COL21A1: variants seen among roughly 807,000 people sequenced by gnomAD.
COL21A1 encodes the protein collagen type XXI alpha 1 chain.
In COL21A1, 149 loss-of-function variants were observed where a neutral mutation model predicts 137.9. That is an observed-to-expected ratio of 1.08 (90% CI 0.95 to 1.24). The LOEUF is 1.24. Among genes scored for constraint, COL21A1 ranks in the 50% most tolerant of loss-of-function variants. The pLI, the probability that COL21A1 is intolerant of heterozygous loss-of-function variation, is 0.00. For synonymous variants in COL21A1, 456 were observed against 391.5 expected, an observed-to-expected ratio of 1.16 and a Z score of -1.95; for missense variants, 1,167 against 1,158.4, an observed-to-expected ratio of 1.01 and a Z score of -0.11.
intron 1 of COL21A1, among the ~76,000 whole-genome samples, chr6:56,299,053 G>C (rs1296597473): frequency 6.6e-6 from 1 of 152,124 alleles, no homozygotes; most frequent in African/African-American, 2.4e-5. Context: ...TAATGAGAGA[G>C]AGCAGGGACA....
chr6:56,203,680 T>C (rs1220085539), intron 1 of COL21A1, among the ~76,000 whole-genome samples: 1 of 152,250 alleles, frequency 6.6e-6, no homozygotes, highest in Non-Finnish European at 1.5e-5. Context: ...CCAGGCAAGA[T>C]GGCCGAATAG....
At position 56,057,811 on chromosome 6, in the gene COL21A1, C is replaced by G; in HGVS notation, c.2720G>C (p.Gly907Ala). Residue 907 changes from glycine (G) to alanine (A), a missense_variant, in exon 30 of 30, where the codon GGT becomes GCT. Coordinates refer to ENST00000244728, the MANE Select transcript of COL21A1 (RefSeq NM_030820.4). ...AGGGAGACCTGGGTCTCCTGGAGGACCTTCTTTGCTTATTCCAGGAGGGCC... is the reference window on the plus strand; with the variant it reads ...AGGGAGACCTGGGTCTCCTGGAGGAGCTTCTTTGCTTATTCCAGGAGGGCC... ...PEGPPGISKE[G>A]PPGDPGLPGK... 6.3e-7 allele frequency: 1 copy of G among 1,589,698 alleles called. No individual in the cohort carries two copies. The highest frequency in any genetic ancestry group is 8.5e-7 in the Non-Finnish European group (1 of 1,169,612).
chr6:56,124,010 T>A (rs1395145150), intron 16 of COL21A1, 52 bp downstream of exon 16: 1 of 1,412,798 alleles, frequency 7.1e-7, no homozygotes, highest in Non-Finnish European at 9.4e-7. Context: ...ATGTTTCCTC[T>A]CAAGATACAA....
intron 16 of COL21A1, among the ~76,000 whole-genome samples, chr6:56,105,047 A>G (rs974726690): frequency 6.6e-5 from 10 of 152,332 alleles, no homozygotes; most frequent in African/African-American, 2.2e-4. Context: ...ACAAATCACT[A>G]GCATGCCTGC....
chr6:56,104,310 T>C (rs879732364), intron 16 of COL21A1, among the ~76,000 whole-genome samples: 30 of 152,180 alleles, frequency 2.0e-4, no homozygotes, highest in Non-Finnish European at 1.2e-4. Context: ...AAAACATTTG[T>C]GGATAAAGCG....
At chr6:56,229,383 T>C (rs1781406763) in intron 1 of COL21A1, among the ~76,000 whole-genome samples, 1 of 151,938 alleles carries the variant, frequency 6.6e-6, no homozygotes, top group Non-Finnish European at 1.5e-5. Flanking sequence ...CAACAGAATA[T>C]GCATTATTTT....
chr6:56,353,520 A>C (rs561732455), intron 1 of COL21A1, among the ~76,000 whole-genome samples: 81 of 152,288 alleles, frequency 5.3e-4, no homozygotes, highest in Non-Finnish European at 9.6e-4. Context: ...GAGACCCTGA[A>C]TGGGAACCAG....
At chr6:56,154,819 C>A (rs1775615274) in intron 10 of COL21A1, among the ~76,000 whole-genome samples, 1 of 152,184 alleles carries the variant, frequency 6.6e-6, no homozygotes, top group South Asian at 2.1e-4. Flanking sequence ...AACCACACAA[C>A]ATCACCTTAG....
intron 12 of COL21A1, among the ~76,000 whole-genome samples, chr6:56,130,411 G>T (rs2152221398): frequency 6.6e-6 from 1 of 151,776 alleles, no homozygotes; most frequent in South Asian, 2.1e-4. Flanking sequence ...CCAGTTAAAG[G>T]TAGAGCTAGA....
rs1052580422 is a variant in COL21A1 at position 56,182,656 on chromosome 6, C to T, written c.-38G>A. On this transcript the variant is annotated splice_region_variant and 5_prime_UTR_variant, in exon 2 of 30. Coordinates refer to ENST00000244728, the MANE Select transcript of COL21A1 (RefSeq NM_030820.4). Reference sequence around the variant, plus strand: ...GTTCTAATATTTTGGTTTTAGGATTCCTAGGGGGAAAAAAAAGGCAAGTTA... The same window carrying T: ...GTTCTAATATTTTGGTTTTAGGATTTCTAGGGGGAAAAAAAAGGCAAGTTA... The T allele has an allele frequency of 2.9e-6, 4 of 1,371,102 alleles. No individual in the cohort carries two copies. The highest frequency in any genetic ancestry group is 4.1e-6 in the Non-Finnish European group (4 of 984,136). The allele number at this position is 1,371,102 out of a possible 1,614,324, so 84.9% of individuals were successfully genotyped here.
At chr6:56,125,991 A>G (rs1296328485) in intron 13 of COL21A1, 105 bp downstream of exon 13, 1 of 648,278 alleles carries the variant, frequency 1.5e-6, no homozygotes, top group African/African-American at 1.9e-5. Context: ...TTTATCTCTA[A>G]TTATATATGA....
At chr6:56,165,943 C>CAT (rs1341167415) in intron 7 of COL21A1, among the ~76,000 whole-genome samples, 1 of 151,116 alleles carries the variant, frequency 6.6e-6, no homozygotes, top group Non-Finnish European at 1.5e-5. Context: ...CACACACACA[C>CAT]ACACTCCATG....
intron 1 of COL21A1, among the ~76,000 whole-genome samples, chr6:56,291,841 C>G (rs1226744563): frequency 1.3e-5 from 2 of 152,172 alleles, no homozygotes; most frequent in Non-Finnish European, 2.9e-5. Flanking sequence ...GCTGAAGATA[C>G]AAACCACTAC....
intron 1 of COL21A1, among the ~76,000 whole-genome samples, chr6:56,311,944 G>A (rs1489499591): frequency 6.6e-6 from 1 of 152,206 alleles, no homozygotes; most frequent in Non-Finnish European, 1.5e-5. Context: ...AAATGACAGC[G>A]AGGATGAGGA....
intron 1 of COL21A1, among the ~76,000 whole-genome samples, chr6:56,271,206 G>A (rs1447490353): frequency 6.6e-6 from 1 of 152,206 alleles, no homozygotes; most frequent in Non-Finnish European, 1.5e-5. Context: ...AGATGGAGAT[G>A]AGGAACTTAC....
intron 1 of COL21A1, among the ~76,000 whole-genome samples, chr6:56,241,472 C>T (rs1441515439): frequency 6.6e-6 from 1 of 152,176 alleles, no homozygotes; most frequent in Non-Finnish European, 1.5e-5. Flanking sequence ...TGATATTTCT[C>T]TTTATCTCAT....
intron 17 of COL21A1, among the ~76,000 whole-genome samples, chr6:56,089,890 G>GA (rs1348553562): frequency 3.3e-5 from 5 of 152,224 alleles, no homozygotes; most frequent in Admixed American, 6.5e-5. Flanking sequence ...ATAGAAAAGA[G>GA]AAAAAATCAA....
At chr6:56,171,175 A>G (rs1016851407) in intron 3 of COL21A1, 47 bp from the exon 4 acceptor site, 1 of 1,376,256 alleles carries the variant, frequency 7.3e-7, no homozygotes, top group African/African-American at 1.5e-5. Flanking sequence ...GACTATTCAA[A>G]CAATAAAAGA....
chr6:56,099,647 G>C (rs75495052), intron 17 of COL21A1, among the ~76,000 whole-genome samples: 10,112 of 150,612 alleles, frequency 0.067, 384 homozygotes, highest in Admixed American at 0.11. Context: ...CTCTCTTTGT[G>C]TTTCTTATGC....
Sources: gnomAD v4.1 joint callset for allele counts (sites outside exome capture counted in the v4.1 genomes callset) on GRCh38, gnomAD v4.1.1 for gene constraint, MANE v1.5 for transcripts, NCBI Gene and HGNC (gene_info 2026-07-23, HGNC 2026-07-21) for gene names.